Variants in HID1 observed in about 807,000 individuals in gnomAD.
HID1 encodes the protein HID1 domain containing, also known as protein HID1.
In HID1, 42 loss-of-function variants were observed where a neutral mutation model predicts 89.7. That is an observed-to-expected ratio of 0.47 (90% CI 0.37 to 0.61). HID1 has a LOEUF of 0.61. Ranked by LOEUF, HID1 falls within the 20% of genes least tolerant of loss-of-function variation. The pLI, the probability that HID1 is intolerant of heterozygous loss-of-function variation, is 0.00. For missense variants in HID1, 854 were observed against 1,039.3 expected (o/e 0.82, Z 2.45); for synonymous variants, 442 against 433.8 (o/e 1.02, Z -0.24).
chr17:74,967,979 C>T (rs1205982845), intron 1 of HID1: 1 of 152,220 alleles, frequency 6.6e-6, no homozygotes, highest in African/African-American at 2.4e-5. Context: ...GTGGCACGCA[C>T]CTGTAGTCCC....
chr17:74,971,859 T>C (rs936266986), intron 1 of HID1, among the ~76,000 whole-genome samples: 1 of 152,124 alleles, frequency 6.6e-6, no homozygotes, highest in Non-Finnish European at 1.5e-5. Context: ...ACCAGCTGAC[T>C]GAGGGCCATC....
In HID1 at chr17:74,962,947, G is replaced by A. The variant is rs1412041729; in HGVS notation, c.504+18C>T. On this transcript the variant is annotated intron_variant, in intron 4 of 18. Transcript: ENST00000425042. This position sits in a 1 kb window ranked among gnomAD's most constrained non-coding sequence, Gnocchi z 4.3. Reference sequence around the variant, plus strand: ...AGAGCCTACTCCGCCTGGGGGTGGGGGGCTGGGGGACACTCACCACAGTGC... The same window carrying A: ...AGAGCCTACTCCGCCTGGGGGTGGGAGGCTGGGGGACACTCACCACAGTGC... The A allele has an allele frequency of 6.4e-7, 1 of 1,574,050 alleles. No individual in the cohort carries two copies. Among genetic ancestry groups the A allele is most frequent in the Non-Finnish European group, 8.7e-7 (1 of 1,146,860 alleles).
chr17:74,964,331 C>T, intron 2 of HID1, 152 bp downstream of exon 2: 1 of 878,822 alleles, frequency 1.1e-6, no homozygotes, highest in Non-Finnish European at 1.7e-6. Flanking sequence ...GGTCCCAACG[C>T]CCAGCAAAGA....
rs1338252438 is a variant in HID1, at chr17:74,961,285, G to T, written c.728+588C>A. Among the ~76,000 whole-genome samples, 41 of 147,038 alleles carry T rather than the reference G, an allele frequency of 2.8e-4. 1 individual carries two copies. The highest frequency in any genetic ancestry group is 7.0e-4 in the African/African-American group (28 of 39,786). On this transcript the variant is annotated intron_variant, in intron 6 of 18. Coordinates refer to ENST00000425042, the MANE Select transcript of HID1 (RefSeq NM_030630.3). ...ATTGTATTTATTTATTTTTTTTTTT[G>T]GAAACAGAGTCTCACTCTGTCACCC...
intron 1 of HID1, among the ~76,000 whole-genome samples, chr17:74,970,401 G>A (rs1162475500): frequency 1.3e-5 from 2 of 152,190 alleles, no homozygotes; most frequent in African/African-American, 4.8e-5. Flanking sequence ...GCACATACAT[G>A]TATACACATG....
At chr17:74,961,393 G>A (rs1369748566) in intron 6 of HID1, among the ~76,000 whole-genome samples, 2 of 151,542 alleles carry the variant, frequency 1.3e-5, no homozygotes, top group Non-Finnish European at 2.9e-5. Context: ...TCAGCCTCCC[G>A]AGTAGCTGGG....
intron 1 of HID1, among the ~76,000 whole-genome samples, chr17:74,970,944 G>A (rs1172048884): frequency 1.3e-5 from 2 of 152,168 alleles, no homozygotes; most frequent in East Asian, 3.8e-4. Context: ...TCTCCAGAAG[G>A]CTGGTCTGAT....
At chr17:74,963,606 G>A in intron 3 of HID1, 134 bp downstream of exon 3, 3 of 849,202 alleles carry the variant, frequency 3.5e-6, no homozygotes, top group African/African-American at 1.7e-5. Flanking sequence ...CCATCCCTCA[G>A]CAGCACCCAC....
chr17:74,960,156 G>T lies in HID1; in HGVS notation c.821C>A (p.Ser274Tyr), dbSNP rs751735488. ...YGIPYNHLLFSDYREPLVEEA... is the reference protein window; with the variant it reads ...YGIPYNHLLFYDYREPLVEEA... Reference sequence around the variant, plus strand: ...CTCCACCAGGGGTTCCCGGTAGTCAGAGAAGAGCAGGTGGTTGTAGGGGAT... The same window carrying T: ...CTCCACCAGGGGTTCCCGGTAGTCATAGAAGAGCAGGTGGTTGTAGGGGAT... Residue 274 changes from serine to tyrosine, a missense_variant, in exon 7 of 19, where the codon TCT (serine) becomes TAT (tyrosine). Physicochemically the swap from Ser to Tyr is moderately radical, Grantham distance 144. Coordinates refer to ENST00000425042, the MANE Select transcript of HID1 (RefSeq NM_030630.3). 1 of 1,614,060 alleles carries T rather than the reference G, an allele frequency of 6.2e-7. No homozygotes were observed. The highest frequency in any genetic ancestry group is 1.1e-5 in the South Asian group (1 of 91,088).
At chr17:74,952,142 T>A in intron 17 of HID1, 79 bp from the exon 18 acceptor site, 1 of 1,525,528 alleles carries the variant, frequency 6.6e-7, no homozygotes, top group Non-Finnish European at 8.9e-7. Flanking sequence ...CCAAGACCCA[T>A]GTTTCCCATC....
chr17:74,959,182 C>A lies in HID1; in HGVS notation c.1009-131G>T. On this transcript the variant is annotated intron_variant, in intron 8 of 18. Transcript: ENST00000425042. The surrounding 1 kb of genome is among the most constrained non-coding windows in gnomAD (Gnocchi z 4.6). ...ATCCCACCTCCAGAGCCAGAGGGCC[C>A]AGATGCTATCACCCATAGCTGTCCT... The A allele has an allele frequency of 9.4e-7, 1 of 1,061,448 alleles. No homozygotes were observed. Among genetic ancestry groups the A allele is most frequent in the South Asian group, 1.8e-5 (1 of 55,294 alleles). The allele number at this position is 1,061,448 out of a possible 1,614,324, so 65.8% of individuals were successfully genotyped here.
In HID1 at chr17:74,972,744, G is replaced by C; in HGVS notation, c.-88C>G. On this transcript the variant is annotated 5_prime_UTR_variant, in exon 1 of 19. Coordinates refer to ENST00000425042, the MANE Select transcript of HID1 (RefSeq NM_030630.3). This position sits in a 1 kb window ranked among gnomAD's most constrained non-coding sequence, Gnocchi z 6.4. ...CCGGCTCCAGCTCCGCGGCCCCCGC[G>C]GCTCTCGCAGGAGACAAGCGGCGCG... The C allele has an allele frequency of 4.7e-6, 6 of 1,284,038 alleles. No individual in the cohort carries two copies. The highest frequency in any genetic ancestry group is 6.2e-6 in the Non-Finnish European group (6 of 960,174). 79.5% of individuals were successfully genotyped at this position (1,284,038 alleles called of 1,614,324 possible).
intron 3 of HID1, chr17:74,963,495 C>G (rs2039516260): frequency 1.8e-6 from 1 of 557,866 alleles, no homozygotes; most frequent in African/African-American, 1.9e-5. Context: ...CCCAGTGACC[C>G]CTGGCTCTCA....
At chr17:74,954,470 T>G in intron 13 of HID1, 105 bp from the exon 14 acceptor site, 1 of 1,532,368 alleles carries the variant, frequency 6.5e-7, no homozygotes, top group Non-Finnish European at 8.7e-7. Flanking sequence ...CAGGAGGGTG[T>G]CTGCCCAAGG....
chr17:74,963,019 A>C lies in HID1; in HGVS notation c.450T>G (p.Ala150=), dbSNP rs772545559. ...PLAESLLLAI[A]DLLFCPDFTV... is the part of the protein sequence containing the mutation. ...TGAAGTCCGGGCAGAAGAGCAGGTC[A>C]GCAATGGCCAGGAGCAGGGACTCGG... is the stretch of plus-strand genomic sequence containing the variant. The change falls in exon 4 of 19, where the codon GCT becomes GCG. Residue 150 remains alanine, a synonymous_variant. Transcript: ENST00000425042. 11 of 1,613,584 alleles carry C rather than the reference A, an allele frequency of 6.8e-6. No homozygotes were observed. In the Admixed American group the frequency reaches 1.8e-4, roughly 27 times the overall value.
Position 74,962,888 on chromosome 17 carries a change from G to T in HID1, c.504+77C>A. The stretch of plus-strand genomic sequence containing the variant: ...CGGCCCCCAGTGCAATCCGCCCAAG[G>T]GAACTTCAACTGGCCCGGCCCCAAC... On this transcript the variant is annotated intron_variant, in intron 4 of 18. Transcript: ENST00000425042. This position sits in a 1 kb window ranked among gnomAD's most constrained non-coding sequence, Gnocchi z 4.3. The T allele has an allele frequency of 9.4e-7, 1 of 1,058,696 alleles. No individual in the cohort carries two copies. Among genetic ancestry groups the T allele is most frequent in the Non-Finnish European group, 1.4e-6 (1 of 704,980 alleles). The allele number at this position is 1,058,696 out of a possible 1,614,324, so 65.6% of individuals were successfully genotyped here.
chr17:74,952,412 G>A, intron 16 of HID1, 52 bp from the exon 17 acceptor site: 1 of 1,400,774 alleles, frequency 7.1e-7, no homozygotes. Context: ...CGGAGGCTGC[G>A]GGGCAAGCCT....
Position 74,972,673 on chromosome 17 carries a change from C to A in HID1, c.-17G>T. 1 of 1,534,792 alleles carries A rather than the reference C, an allele frequency of 6.5e-7. No homozygotes were observed. Among genetic ancestry groups the A allele is most frequent in the Non-Finnish European group, 8.8e-7 (1 of 1,139,542 alleles). ...CGACCCCATGTCTCTGGAGCCCGCT[C>A]CGGCCCGGCCCCCGCCCAGACTCCA... On this transcript the variant is annotated 5_prime_UTR_variant, in exon 1 of 19. Coordinates refer to ENST00000425042, the MANE Select transcript of HID1 (RefSeq NM_030630.3). The surrounding 1 kb of genome is among the most constrained non-coding windows in gnomAD (Gnocchi z 6.4).
chr17:74,953,482 G>A, intron 15 of HID1, 63 bp downstream of exon 15: 1 of 1,388,084 alleles, frequency 7.2e-7, no homozygotes, highest in Non-Finnish European at 1.0e-6. Flanking sequence ...AGCCCCTACT[G>A]CAGAGACCAG....
Sources: gnomAD v4.1 joint callset for allele counts (sites outside exome capture counted in the v4.1 genomes callset) on GRCh38, gnomAD v4.1.1 for gene constraint, Gnocchi (gnomAD v3.1) non-coding constraint, MANE v1.5 for transcripts, NCBI Gene and HGNC (gene_info 2026-07-23, HGNC 2026-07-21) for gene names.